STX17: variants seen among roughly 807,000 people sequenced by gnomAD.
STX17 encodes syntaxin 17.
In STX17, 29 loss-of-function variants were observed where a neutral mutation model predicts 35.9. That is an observed-to-expected ratio of 0.81 (90% CI 0.60 to 1.10). The LOEUF (loss-of-function observed/expected upper bound fraction) is 1.10, where lower values mean the gene tolerates loss of function less well. Ranked by LOEUF, STX17 falls within the 50% of genes least tolerant of loss-of-function variation. The pLI, the probability that STX17 is intolerant of heterozygous loss-of-function variation, is 0.00. For missense variants in STX17, 312 were observed against 352.3 expected (o/e 0.89, Z 0.92); for synonymous variants, 92 against 118.3 (o/e 0.78, Z 1.44).
rs558967522 is a variant in STX17, at chr9:99,958,263, C to G, written c.416-1654C>G. ...ACCTGTGTAGTAATTTCTGTTCACC[C>G]TCAGGCTTCAGCTTCAGAGCCTTCT... On this transcript the variant is annotated intron_variant, in intron 4 of 7. Coordinates refer to ENST00000259400, the MANE Select transcript of STX17 (RefSeq NM_017919.3). Among the ~76,000 whole-genome samples, 38 of 152,296 alleles carry G rather than the reference C, an allele frequency of 2.5e-4. No homozygotes were observed. The East Asian group carries it at 6.2e-3, about 25-fold the overall frequency.
chr9:99,967,039 G>C (rs1363524196), intron 6 of STX17, among the ~76,000 whole-genome samples: 1 of 152,158 alleles, frequency 6.6e-6, no homozygotes, highest in East Asian at 1.9e-4. Context: ...ATTTTAAACT[G>C]TCATGATTTT....
rs1829990093 is a variant in STX17, at chr9:99,969,853, T to C, written c.*1180T>C. The C allele has an allele frequency of 6.5e-6, 1 of 152,694 alleles. No individual in the cohort carries two copies. The highest frequency in any genetic ancestry group is 1.5e-5 in the Non-Finnish European group (1 of 68,116). The allele number at this position is 152,694 out of a possible 1,614,324, so 9.5% of individuals were successfully genotyped here. A position where few individuals can be genotyped will look rare whatever the true frequency, so the allele number is the denominator to read the frequency against. ...TCCCATGCTTACCTTTCTCACATTC[T>C]AGACAATGATGGACAAAGACGCATG... On this transcript the variant is annotated 3_prime_UTR_variant, in exon 8 of 8. Coordinates refer to ENST00000259400, the MANE Select transcript of STX17 (RefSeq NM_017919.3).
chr9:99,940,905 C>G (rs1172957836), intron 3 of STX17, among the ~76,000 whole-genome samples: 1 of 152,220 alleles, frequency 6.6e-6, no homozygotes, highest in Non-Finnish European at 1.5e-5. Flanking sequence ...TAAAGAATCT[C>G]TAATCCTAGT....
At chr9:99,935,606 G>A (rs184086282) in intron 3 of STX17, among the ~76,000 whole-genome samples, 1 of 152,192 alleles carries the variant, frequency 6.6e-6, no homozygotes, top group Non-Finnish European at 1.5e-5. Context: ...GCGGTGGCAA[G>A]TGGAGAGAGC....
intron 3 of STX17, among the ~76,000 whole-genome samples, chr9:99,942,543 G>A (rs1829388157): frequency 6.6e-6 from 1 of 152,114 alleles, no homozygotes; most frequent in African/African-American, 2.4e-5. Context: ...CTGGAGTGCA[G>A]TGGCGCAATC....
chr9:99,956,127 A>T (rs933315294), intron 4 of STX17, among the ~76,000 whole-genome samples: 3 of 152,014 alleles, frequency 2.0e-5, no homozygotes, highest in African/African-American at 4.8e-5. Context: ...AAGAGCACAG[A>T]CCTCTTTGTT....
At chr9:99,916,844 C>G (rs1274288801) in intron 2 of STX17, among the ~76,000 whole-genome samples, 1 of 151,976 alleles carries the variant, frequency 6.6e-6, no homozygotes, top group Non-Finnish European at 1.5e-5. Context: ...CTTTGTTGTC[C>G]TACTTTTCCT....
intron 2 of STX17, among the ~76,000 whole-genome samples, chr9:99,921,341 C>T (rs1828882080): frequency 6.6e-6 from 1 of 152,018 alleles, no homozygotes; most frequent in Non-Finnish European, 1.5e-5. Flanking sequence ...ATATGAATTA[C>T]ATGTATTGAA....
intron 6 of STX17, among the ~76,000 whole-genome samples, chr9:99,961,525 T>C (rs1444962278): frequency 6.6e-6 from 1 of 152,206 alleles, no homozygotes; most frequent in Non-Finnish European, 1.5e-5. Flanking sequence ...CCACCATTTT[T>C]CTAAATTGTT....
intron 3 of STX17, among the ~76,000 whole-genome samples, chr9:99,935,256 G>T (rs1357291916): frequency 6.8e-6 from 1 of 147,900 alleles, no homozygotes; most frequent in African/African-American, 2.5e-5. Flanking sequence ...CGTGAACCCA[G>T]GAGGAGGAGC....
intron 3 of STX17, among the ~76,000 whole-genome samples, chr9:99,940,160 C>T (rs529423673): frequency 2.6e-5 from 4 of 152,246 alleles, no homozygotes; most frequent in African/African-American, 4.8e-5. Flanking sequence ...GAGGCAGTCT[C>T]GCTCTTGTCG....
At chr9:99,967,813 C>A in intron 7 of STX17, 74 bp downstream of exon 7, 2 of 1,275,808 alleles carry the variant, frequency 1.6e-6, no homozygotes, top group Non-Finnish European at 2.3e-6. Flanking sequence ...CCCAATTGAT[C>A]TGCTCTCTTC....
At chr9:99,929,351 AAT>A (rs1395134505) in intron 3 of STX17, among the ~76,000 whole-genome samples, 2 of 151,910 alleles carry the variant, frequency 1.3e-5, no homozygotes, top group Admixed American at 1.3e-4. Flanking sequence ...TAGTATTGCA[AAT>A]ATTCTTTGCT....
intron 3 of STX17, among the ~76,000 whole-genome samples, chr9:99,936,600 C>T (rs1436853754): frequency 1.3e-5 from 2 of 151,864 alleles, no homozygotes; most frequent in Admixed American, 1.3e-4. Flanking sequence ...CTAGCTAATA[C>T]CTCTTTTAGT....
intron 1 of STX17, among the ~76,000 whole-genome samples, chr9:99,913,427 A>G (rs1314316151): frequency 6.6e-6 from 1 of 151,732 alleles, no homozygotes; most frequent in Non-Finnish European, 1.5e-5. Context: ...TTTCTTATCT[A>G]TATAATTTAC....
chr9:99,958,594 CA>C (rs1170152716), intron 4 of STX17, among the ~76,000 whole-genome samples: 1 of 152,156 alleles, frequency 6.6e-6, no homozygotes, highest in African/African-American at 2.4e-5. Flanking sequence ...TATAAATAGC[CA>C]AATCAGAATT....
chr9:99,960,184 A>T (rs1181151100), intron 6 of STX17, 29 bp downstream of exon 6: 1 of 1,600,052 alleles, frequency 6.2e-7, no homozygotes, highest in Non-Finnish European at 8.5e-7. Context: ...TGGATGCAGA[A>T]TTGTTGGATT....
intron 2 of STX17, among the ~76,000 whole-genome samples, chr9:99,918,471 T>G (rs1828823575): frequency 6.6e-6 from 1 of 152,094 alleles, no homozygotes; most frequent in Non-Finnish European, 1.5e-5. Context: ...TGTTTTCATT[T>G]CGTGGATGCT....
chr9:99,932,993 T>G (rs1829156575), intron 3 of STX17, among the ~76,000 whole-genome samples: 1 of 152,148 alleles, frequency 6.6e-6, no homozygotes, highest in Admixed American at 6.5e-5. Flanking sequence ...GGTTCCTACT[T>G]TGGCGGCTTG....
Sources: gnomAD v4.1 joint callset for allele counts (sites outside exome capture counted in the v4.1 genomes callset) on GRCh38, gnomAD v4.1.1 for gene constraint, MANE v1.5 for transcripts, NCBI Gene and HGNC (gene_info 2026-07-23, HGNC 2026-07-21) for gene names.